Variants in ACSM1 observed in about 807,000 individuals in gnomAD.
ACSM1 encodes the protein acyl-CoA synthetase medium chain family member 1.
ACSM1 carries 79 observed loss-of-function variants against 75.8 expected under a neutral mutation model. The ratio of observed to expected loss-of-function variants is 1.04; its 90% CI spans 0.87 to 1.26. The LOEUF (loss-of-function observed/expected upper bound fraction) is 1.26. Ranked by LOEUF, ACSM1 falls within the 50% of genes most tolerant of loss-of-function variation. The pLI, the probability that ACSM1 is intolerant of heterozygous loss-of-function variation, is 0.00. For missense variants in ACSM1, 676 were observed against 720.1 expected, an observed-to-expected ratio of 0.94 and a Z score of 0.70; for synonymous variants, 279 against 265.8, an observed-to-expected ratio of 1.05 and a Z score of -0.48.
At chr16:20,637,044 G>T in intron 9 of ACSM1, 1 of 730,638 alleles carries the variant, frequency 1.4e-6, no homozygotes, top group South Asian at 1.5e-5. Flanking sequence ...TGAGTTAGTA[G>T]ATGTCACCAA....
intron 5 of ACSM1, among the ~76,000 whole-genome samples, chr16:20,671,211 A>G (rs1338775257): frequency 6.6e-6 from 1 of 152,072 alleles, no homozygotes; most frequent in South Asian, 2.1e-4. Flanking sequence ...CAGGCTTGTC[A>G]TGTGTGTGGC....
At chr16:20,638,583 A>T (rs913306819) in intron 8 of ACSM1, among the ~76,000 whole-genome samples, 2 of 152,218 alleles carry the variant, frequency 1.3e-5, no homozygotes, top group African/African-American at 4.8e-5. Flanking sequence ...CCAGAGCATT[A>T]TATACTTCTT....
At chr16:20,685,887 G>A (rs945263454) in intron 2 of ACSM1, among the ~76,000 whole-genome samples, 2 of 150,144 alleles carry the variant, frequency 1.3e-5, no homozygotes, top group South Asian at 2.1e-4. Flanking sequence ...GGGGTGGAGC[G>A]GGACTTCTGG....
chr16:20,650,993 G>C (rs1164864679), intron 7 of ACSM1, among the ~76,000 whole-genome samples: 1 of 152,172 alleles, frequency 6.6e-6, no homozygotes, highest in East Asian at 1.9e-4. Context: ...CATGGCTAAA[G>C]TACTGAAGTA....
chr16:20,625,325 C>T (rs920459763), intron 12 of ACSM1, 98 bp downstream of exon 12: 10 of 1,200,204 alleles, frequency 8.3e-6, no homozygotes, highest in Non-Finnish European at 1.2e-5. Flanking sequence ...ACACTATGCC[C>T]TTCCACCAAG....
At chr16:20,664,115 A>G (rs2019438445) in intron 6 of ACSM1, among the ~76,000 whole-genome samples, 1 of 149,106 alleles carries the variant, frequency 6.7e-6, no homozygotes, top group Non-Finnish European at 1.5e-5. Context: ...GAGAGGAAAT[A>G]GAAGGAATGT....
At chr16:20,630,006 A>C (rs1366290230) in intron 10 of ACSM1, among the ~76,000 whole-genome samples, 1 of 151,928 alleles carries the variant, frequency 6.6e-6, no homozygotes, top group East Asian at 1.9e-4. Context: ...AAAAAAAAAA[A>C]AGACACAAAT....
At chr16:20,651,942 T>C (rs925541291) in intron 7 of ACSM1, among the ~76,000 whole-genome samples, 2 of 152,154 alleles carry the variant, frequency 1.3e-5, no homozygotes, top group African/African-American at 4.8e-5. Flanking sequence ...AAATTTGCCA[T>C]AAGTGTTATA....
chr16:20,661,828 T>C lies in ACSM1; in HGVS notation c.958A>G (p.Ile320Val). 3.7e-6 allele frequency: 6 copies of C among 1,611,316 alleles called. No individual in the cohort carries two copies. The highest frequency in any genetic ancestry group is 1.1e-5 in the South Asian group (1 of 90,834). The change falls in exon 7 of 14, where the codon ATA (isoleucine) becomes GTA (valine). Residue 320 changes from isoleucine to valine, a missense_variant. Coordinates refer to ENST00000520010, the MANE Select transcript of ACSM1 (RefSeq NM_001318890.3). ...PINHFWGVSS[I>V]YRMILQQDFT... ...TCCTGCTGCAGAATCATTCGATATA[T>C]AGATGATACCCCCCAAAAGTGGTTA...
chr16:20,635,794 C>G (rs956829845), intron 10 of ACSM1, among the ~76,000 whole-genome samples: 1 of 152,094 alleles, frequency 6.6e-6, no homozygotes. Context: ...TGCATGCCAC[C>G]ATGCCCAGCT....
At chr16:20,633,167 A>G (rs1442302564) in intron 10 of ACSM1, among the ~76,000 whole-genome samples, 2 of 152,244 alleles carry the variant, frequency 1.3e-5, no homozygotes, top group African/African-American at 4.8e-5. Context: ...AGCCAAATCA[A>G]TCAGGCAAGA....
chr16:20,655,786 CTGAG>C (rs1360647823), intron 7 of ACSM1, among the ~76,000 whole-genome samples: 1 of 152,164 alleles, frequency 6.6e-6, no homozygotes, highest in Non-Finnish European at 1.5e-5. Flanking sequence ...CCTCAGCCTC[CTGAG>C]TAACTGGGAC....
At chr16:20,631,913 G>A (rs950360576) in intron 10 of ACSM1, among the ~76,000 whole-genome samples, 4 of 152,154 alleles carry the variant, frequency 2.6e-5, no homozygotes, top group Non-Finnish European at 5.9e-5. Flanking sequence ...TTCAGGTGAT[G>A]GATGCACTAA....
intron 6 of ACSM1, among the ~76,000 whole-genome samples, chr16:20,667,497 G>C (rs2019640095): frequency 6.6e-6 from 1 of 152,102 alleles, no homozygotes; most frequent in Non-Finnish European, 1.5e-5. Flanking sequence ...TTATTAAAAG[G>C]TCAAAAACAA....
At chr16:20,676,015 A>T (rs561696079) in intron 4 of ACSM1, 1 of 152,380 alleles carries the variant, frequency 6.6e-6, no homozygotes, top group Non-Finnish European at 1.5e-5. Flanking sequence ...TGCAAGAACC[A>T]CAGGAGGGAA....
chr16:20,637,250 G>GATAAAAAA lies in ACSM1; in HGVS notation c.1197+120_1197+121insTTTTTTAT, dbSNP rs5816131. 1.1e-3 allele frequency: 976 copies of GATAAAAAA among 860,856 alleles called. 4 individuals are homozygous for GATAAAAAA. The highest frequency in any genetic ancestry group is 3.2e-3 in the South Asian group (240 of 75,500). 53.3% of individuals were successfully genotyped at this position (860,856 alleles called of 1,614,324 possible). On this transcript the variant is annotated intron_variant, in intron 9 of 13. Coordinates refer to ENST00000520010, the MANE Select transcript of ACSM1 (RefSeq NM_001318890.3). ...TCCATATGAAACTGAAGGGATAAATGAGAAGAGAGGAGGAAGGATGACTGG... is the reference window on the plus strand; with the variant it reads ...TCCATATGAAACTGAAGGGATAAATGATAAAAAAAGAAGAGAGGAGGAAGGATGACTGG...
At chr16:20,662,010 CTGAGCATGGATTTCAT>C (rs2019326893) in intron 6 of ACSM1, 137 bp from the exon 7 acceptor site, 13 of 513,826 alleles carry the variant, frequency 2.5e-5, no homozygotes, top group African/African-American at 2.5e-4. Flanking sequence ...TACACACATA[CTGAGCATGGATTTCAT>C]ACATGGTATG....
intron 10 of ACSM1, among the ~76,000 whole-genome samples, chr16:20,630,495 A>G (rs2017281014): frequency 6.6e-6 from 1 of 152,232 alleles, no homozygotes; most frequent in South Asian, 2.1e-4. Flanking sequence ...CATATAAGCA[A>G]TAAACCTCAG....
At chr16:20,647,597 C>T (rs1258847447) in intron 7 of ACSM1, among the ~76,000 whole-genome samples, 3 of 152,046 alleles carry the variant, frequency 2.0e-5, no homozygotes, top group African/African-American at 7.2e-5. Flanking sequence ...GCTGGATGAC[C>T]AACTGGCAAT....
Sources: allele counts gnomAD v4.1 joint callset (sites outside exome capture counted in the v4.1 genomes callset), GRCh38; gene constraint gnomAD v4.1.1; transcripts MANE v1.5; gene names NCBI Gene and HGNC (gene_info 2026-07-23, HGNC 2026-07-21).